NR6A1: variants seen among roughly 807,000 people sequenced by gnomAD.
NR6A1 encodes nuclear receptor subfamily 6 group A member 1, also known as retinoic acid receptor-related testis-associated receptor.
NR6A1 carries 7 observed loss-of-function variants against 59.1 expected under a neutral mutation model. The ratio of observed to expected loss-of-function variants is 0.12; its 90% confidence interval spans 0.07 to 0.22. The LOEUF is 0.22. Ranked by LOEUF, NR6A1 falls within the 10% of genes least tolerant of loss-of-function variation. The pLI is 1.00. For synonymous variants in NR6A1, 243 were observed against 236.1 expected, an observed-to-expected ratio of 1.03 and a Z score of -0.27; for missense variants, 468 against 611.6, an observed-to-expected ratio of 0.77 and a Z score of 2.48.
At chr9:124,549,920 T>C (rs1050501617) in intron 3 of NR6A1, among the ~76,000 whole-genome samples, 3 of 152,214 alleles carry the variant, frequency 2.0e-5, no homozygotes, top group Admixed American at 6.5e-5. Flanking sequence ...GGGGCCCACA[T>C]TGCATTTAGC....
At chr9:124,642,295 C>T (rs1836789101) in intron 2 of NR6A1, among the ~76,000 whole-genome samples, 1 of 152,204 alleles carries the variant, frequency 6.6e-6, no homozygotes, top group Non-Finnish European at 1.5e-5. Context: ...GGTGATCCGC[C>T]CACCTTGGCC....
At chr9:124,691,763 A>G (rs1355203126) in intron 2 of NR6A1, among the ~76,000 whole-genome samples, 1 of 152,228 alleles carries the variant, frequency 6.6e-6, no homozygotes, top group Non-Finnish European at 1.5e-5. Flanking sequence ...CTCTGTGGTA[A>G]CTTAGTAATG....
intron 1 of NR6A1, among the ~76,000 whole-genome samples, 167 bp downstream of exon 1, chr9:124,770,853 G>A (rs1341687656): frequency 6.6e-6 from 1 of 151,874 alleles, no homozygotes; most frequent in East Asian, 2.0e-4. Context: ...CCGGGGAGGA[G>A]AGGGAGGGTC....
At chr9:124,731,814 T>C (rs1839891626) in intron 2 of NR6A1, among the ~76,000 whole-genome samples, 1 of 152,232 alleles carries the variant, frequency 6.6e-6, no homozygotes, top group African/African-American at 2.4e-5. Flanking sequence ...GTTAATCTAC[T>C]GATTATGTTA....
At chr9:124,551,691 A>C (rs780238097) in intron 3 of NR6A1, among the ~76,000 whole-genome samples, 1 of 152,140 alleles carries the variant, frequency 6.6e-6, no homozygotes, top group Non-Finnish European at 1.5e-5. Flanking sequence ...CATTTGTCAT[A>C]GTGTGCATTC....
intron 1 of NR6A1, among the ~76,000 whole-genome samples, chr9:124,751,879 A>AT (rs1840509949): frequency 6.6e-6 from 1 of 152,204 alleles, no homozygotes; most frequent in African/African-American, 2.4e-5. Context: ...TCGGAACTGA[A>AT]TTTTTTTCTT....
intron 2 of NR6A1, among the ~76,000 whole-genome samples, chr9:124,713,613 A>G (rs1389326241): frequency 6.6e-6 from 1 of 152,222 alleles, no homozygotes; most frequent in Non-Finnish European, 1.5e-5. Context: ...AAGAAGACAC[A>G]CAAATGGTCA....
chr9:124,532,422 C>T (rs1833128562), intron 7 of NR6A1, among the ~76,000 whole-genome samples: 1 of 152,160 alleles, frequency 6.6e-6, no homozygotes, highest in African/African-American at 2.4e-5. Context: ...TTCGGATGCC[C>T]CGCCATCTCC....
At chr9:124,571,007 T>C (rs1354940511) in intron 2 of NR6A1, among the ~76,000 whole-genome samples, 3 of 152,280 alleles carry the variant, frequency 2.0e-5, no homozygotes, top group Admixed American at 6.5e-5. Flanking sequence ...GTGGAGGAGA[T>C]GGACATCAAT....
intron 2 of NR6A1, among the ~76,000 whole-genome samples, chr9:124,606,345 G>A (rs1361026192): frequency 1.3e-5 from 2 of 152,002 alleles, no homozygotes; most frequent in East Asian, 3.9e-4. Context: ...GTGTCTATGG[G>A]TCTGTGAATA....
intron 2 of NR6A1, among the ~76,000 whole-genome samples, chr9:124,688,842 C>T (rs1214041625): frequency 6.6e-6 from 1 of 152,102 alleles, no homozygotes; most frequent in African/African-American, 2.4e-5. Context: ...GGAGAGAATC[C>T]ATAGCGGATT....
chr9:124,665,682 A>G (rs1184416601), intron 2 of NR6A1, among the ~76,000 whole-genome samples: 1 of 152,176 alleles, frequency 6.6e-6, no homozygotes, highest in East Asian at 1.9e-4. Flanking sequence ...CTTTAATGAC[A>G]CATGCTATAA....
chr9:124,575,530 C>G (rs1430162456), intron 2 of NR6A1, among the ~76,000 whole-genome samples: 2 of 152,150 alleles, frequency 1.3e-5, no homozygotes, highest in African/African-American at 4.8e-5. Context: ...GCCGAGATCA[C>G]ACCACTGCCT....
chr9:124,660,076 A>G (rs1358613076), intron 2 of NR6A1, among the ~76,000 whole-genome samples: 1 of 152,216 alleles, frequency 6.6e-6, no homozygotes, highest in African/African-American at 2.4e-5. Context: ...TTCTTGAAAA[A>G]ACAAGCTCTC....
intron 2 of NR6A1, among the ~76,000 whole-genome samples, chr9:124,728,550 G>T (rs1287873075): frequency 1.3e-4 from 19 of 151,992 alleles, no homozygotes; most frequent in Admixed American, 1.1e-3. Context: ...CAGGAGAATC[G>T]CTTGAACCCG....
chr9:124,618,241 G>C (rs1255713184), intron 2 of NR6A1, among the ~76,000 whole-genome samples: 2 of 152,170 alleles, frequency 1.3e-5, no homozygotes, highest in Admixed American at 6.5e-5. Flanking sequence ...CAGCACTTTG[G>C]GAGGCTGAGG....
intron 2 of NR6A1, among the ~76,000 whole-genome samples, chr9:124,653,497 AACTCCT>A (rs1837161570): frequency 6.6e-6 from 1 of 152,114 alleles, no homozygotes; most frequent in African/African-American, 2.4e-5. Flanking sequence ...TGCAGCCTTG[AACTCCT>A]GCACTCAAGT....
chr9:124,734,181 A>G (rs1424838560), intron 1 of NR6A1, among the ~76,000 whole-genome samples: 2 of 152,188 alleles, frequency 1.3e-5, no homozygotes, highest in African/African-American at 4.8e-5. Flanking sequence ...CACAAGGTCA[A>G]ATTCCTGTTT....
intron 2 of NR6A1, among the ~76,000 whole-genome samples, chr9:124,677,703 T>A (rs1267747078): frequency 6.6e-6 from 1 of 152,146 alleles, no homozygotes; most frequent in Non-Finnish European, 1.5e-5. Flanking sequence ...GCCCACAGGA[T>A]TCCCTCGTGA....
Sources: gnomAD v4.1 joint callset for allele counts (sites outside exome capture counted in the v4.1 genomes callset) on GRCh38, gnomAD v4.1.1 for gene constraint, MANE v1.5 for transcripts, NCBI Gene and HGNC (gene_info 2026-07-23, HGNC 2026-07-21) for gene names.